The following GGT1 variants were observed in gnomAD, a reference collection of about 807,000 sequenced individuals.
GGT1 encodes gamma-glutamyltransferase 1, also known as glutathione hydrolase 1 proenzyme.
Under a neutral mutation model 56.0 loss-of-function variants are expected in GGT1, and 21 were observed. That is an observed-to-expected ratio of 0.38 (90% CI 0.27 to 0.54). The LOEUF (loss-of-function observed/expected upper bound fraction) is 0.54. GGT1 is among the 20% of genes least tolerant of loss of function. GGT1 has a pLI of 0.82. For synonymous variants in GGT1, 238 were observed against 342.6 expected (o/e 0.69, Z 3.37); for missense variants, 466 against 787.0 (o/e 0.59, Z 4.88).
At chr22:24,614,746 G>T (rs2046954044) in intron 5 of GGT1, 30 bp from the exon 6 acceptor site, 1 of 1,612,086 alleles carries the variant, frequency 6.2e-7, no homozygotes, top group Non-Finnish European at 8.5e-7. Flanking sequence ...AAGCCTGCAG[G>T]TTCTCATGCC....
the GGT1 span, chr22:24,586,397 A>G: frequency 1.9e-6 from 3 of 1,612,532 alleles, no homozygotes; most frequent in Non-Finnish European, 2.5e-6. Context: ...AGTCTTCTGG[A>G]GGCTGCTCTT....
At chr22:24,611,525 A>G (rs541812949) in intron 5 of GGT1, among the ~76,000 whole-genome samples, 41 of 126,550 alleles carry the variant, frequency 3.2e-4, no homozygotes, top group African/African-American at 1.6e-3. Context: ...CTATCTATCT[A>G]TCTATCTATC....
At chr22:24,591,681 T>A (rs1327483460), upstream of GGT1, among the ~76,000 whole-genome samples, 1 of 152,210 alleles carries the variant, frequency 6.6e-6, no homozygotes, top group Non-Finnish European at 1.5e-5. Flanking sequence ...ACTGGTGTCT[T>A]GGACTCCAGG....
At chr22:24,615,313 C>T (rs1248987380) in intron 7 of GGT1, among the ~76,000 whole-genome samples, 186 bp downstream of exon 7, 2 of 152,128 alleles carry the variant, frequency 1.3e-5, no homozygotes, top group Non-Finnish European at 2.9e-5. Context: ...GGTAAAGGGC[C>T]GGGAGCTTCT....
chr22:24,589,489 C>A, the GGT1 span: 2 of 589,584 alleles, frequency 3.4e-6, no homozygotes, highest in East Asian at 1.9e-4. Flanking sequence ...TTTCTCAGAA[C>A]AGTCTGTGAC....
chr22:24,627,823 G>C (rs200168010), intron 12 of GGT1, 29 bp from the exon 13 acceptor site: 6 of 1,586,944 alleles, frequency 3.8e-6, no homozygotes, highest in Non-Finnish European at 5.2e-6. Context: ...AGGCAAGGTC[G>C]GGCACTGTCT....
chr22:24,608,764 TCTC>T (rs1176271041), intron 2 of GGT1, among the ~76,000 whole-genome samples: 1 of 152,198 alleles, frequency 6.6e-6, no homozygotes, highest in African/African-American at 2.4e-5. Context: ...TTCAAGCAAT[TCTC>T]CTGCCTCAGC....
chr22:24,602,813 C>T (rs77997635), upstream of GGT1, among the ~76,000 whole-genome samples: 792 of 152,288 alleles, frequency 5.2e-3, 31 homozygotes, highest in East Asian at 0.12. Context: ...AACTAGGCTC[C>T]TCAGACCTTG....
chr22:24,589,155 C>T, the GGT1 span: 1 of 1,146,826 alleles, frequency 8.7e-7, no homozygotes, highest in South Asian at 1.8e-5. Flanking sequence ...TGGGGACTCA[C>T]TGTGACTAGG....
the GGT1 span, chr22:24,588,560 G>A: frequency 4.9e-6 from 4 of 808,252 alleles, no homozygotes; most frequent in East Asian, 6.4e-5. Context: ...CAGTCCCGCA[G>A]TGCCCGGCGG....
intron 7 of GGT1, among the ~76,000 whole-genome samples, chr22:24,615,611 G>C (rs3895575): frequency 3.1e-4 from 47 of 152,312 alleles, no homozygotes; most frequent in East Asian, 2.1e-3. Context: ...TGTCTATACC[G>C]TGCCTTTTCA....
chr22:24,628,604 C>T lies in GGT1; in HGVS notation c.1564-89C>T, dbSNP rs2047935706. The T allele has an allele frequency of 6.2e-7, 1 of 1,607,062 alleles. No individual in the cohort carries two copies. Among genetic ancestry groups the T allele is most frequent in the Non-Finnish European group, 8.5e-7 (1 of 1,176,930 alleles). Reference sequence around the variant, plus strand: ...CCTGATGACCTGGCCCGAAATGGCACCACCTGGGCTGAGGCCTGTGACCAC... The same window carrying T: ...CCTGATGACCTGGCCCGAAATGGCATCACCTGGGCTGAGGCCTGTGACCAC... On this transcript the variant is annotated intron_variant, in intron 15 of 15. Coordinates refer to ENST00000400382, the MANE Select transcript of GGT1 (RefSeq NM_001288833.2). The surrounding 1 kb of genome is among the most constrained non-coding windows in gnomAD (Gnocchi z 5.7).
At position 24,628,376 on chromosome 22, in the gene GGT1, A is replaced by C; in HGVS notation, c.1551A>C (p.Arg517Ser). 6.2e-7 allele frequency: 1 copy of C among 1,611,066 alleles called. No individual in the cohort carries two copies. Among genetic ancestry groups the C allele is most frequent in the Non-Finnish European group, 8.5e-7 (1 of 1,179,856 alleles). The change falls in exon 15 of 16, where the codon AGA (arginine) becomes AGC (serine). Residue 517 changes from arginine (R) to serine (S), a missense_variant. This residue lies in a region of GGT1 where 456 missense variants were observed against 716.7 expected (regional missense o/e 0.64). Coordinates refer to ENST00000400382, the MANE Select transcript of GGT1 (RefSeq NM_001288833.2). This position sits in a 1 kb window ranked among gnomAD's most constrained non-coding sequence, Gnocchi z 5.7. ...TGCCCAACGTCACGACAGTGGAGAGAAACATTGACCAGGTGGGCCGGGGGT... is the reference window on the plus strand; with the variant it reads ...TGCCCAACGTCACGACAGTGGAGAGCAACATTGACCAGGTGGGCCGGGGGT... ...QLLPNVTTVE[R>S]NIDQAVTAAL...
chr22:24,619,400 G>GAAAAA (rs372709571), intron 7 of GGT1, among the ~76,000 whole-genome samples: 3 of 96,472 alleles, frequency 3.1e-5, no homozygotes, highest in Non-Finnish European at 2.3e-5. Flanking sequence ...CTCCATCTCA[G>GAAAAA]AAAAAAAAAA....
rs574949375 is a variant in GGT1 at position 24,622,559 on chromosome 22, G to A, written c.734-548G>A. Among the ~76,000 whole-genome samples, 7 of 151,706 alleles carry A rather than the reference G, an allele frequency of 4.6e-5. No individual in the cohort carries two copies. The East Asian group carries it at 7.8e-4, about 17-fold the overall frequency. ...AGCCTGGGCGATAGAGCGAGACTCCGTCTCAAAAAACAAAAAAAAAGTAGC... is the reference window on the plus strand; with the variant it reads ...AGCCTGGGCGATAGAGCGAGACTCCATCTCAAAAAACAAAAAAAAAGTAGC... On this transcript the variant is annotated intron_variant, in intron 9 of 15. Transcript: ENST00000400382.
chr22:24,612,006 T>A (rs1034588694), intron 5 of GGT1, among the ~76,000 whole-genome samples: 13 of 152,042 alleles, frequency 8.6e-5, no homozygotes, highest in Admixed American at 6.6e-4. Flanking sequence ...AGGGTTTTGC[T>A]ATGTTGGCCA....
chr22:24,612,448 C>T (rs963585267), intron 5 of GGT1, among the ~76,000 whole-genome samples: 2 of 148,046 alleles, frequency 1.4e-5, no homozygotes, highest in Non-Finnish European at 1.5e-5. Flanking sequence ...TCTCCCAATG[C>T]CATCCCTCCC....
the GGT1 span, chr22:24,589,218 C>T: frequency 1.1e-5 from 14 of 1,254,394 alleles, no homozygotes; most frequent in South Asian, 1.6e-4. Flanking sequence ...TGTGTCGATG[C>T]TCATGGCAGG....
intron 9 of GGT1, among the ~76,000 whole-genome samples, chr22:24,622,114 T>C (rs1175275148): frequency 6.8e-6 from 1 of 147,952 alleles, no homozygotes; most frequent in Non-Finnish European, 1.5e-5. Context: ...TCCCAACACT[T>C]TGGGAGGCTG....
Sources: allele counts gnomAD v4.1 joint callset (sites outside exome capture counted in the v4.1 genomes callset), GRCh38; gene constraint gnomAD v4.1.1; regional missense constraint gnomAD v4.1.1; non-coding constraint Gnocchi (gnomAD v3.1); transcripts MANE v1.5; gene names NCBI Gene and HGNC (gene_info 2026-07-23, HGNC 2026-07-21).